The following HMGCLL1 variants were observed in gnomAD, a reference collection of about 807,000 sequenced individuals.
HMGCLL1 encodes 3-hydroxy-3-methylglutaryl-CoA lyase like 1.
In HMGCLL1, 36 loss-of-function variants were observed where a neutral mutation model predicts 39.1. The ratio of observed to expected loss-of-function variants is 0.92; its 90% CI spans 0.71 to 1.22. The LOEUF (loss-of-function observed/expected upper bound fraction) is 1.22, where lower values mean the gene tolerates loss of function less well. Among genes scored for constraint, HMGCLL1 ranks in the 50% most tolerant of loss-of-function variants. The probability of loss-of-function intolerance (pLI) is 0.00; values close to 1 mark genes in which losing one functional copy is unlikely to be tolerated. For missense variants in HMGCLL1, 451 were observed against 416.5 expected, an observed-to-expected ratio of 1.08 and a Z score of -0.72; for synonymous variants, 149 against 144.0, an observed-to-expected ratio of 1.03 and a Z score of -0.25.
At chr6:55,594,187 G>C in the HMGCLL1 span, among the ~76,000 whole-genome samples, 1 of 152,092 alleles carries the variant, frequency 6.6e-6, no homozygotes, top group Non-Finnish European at 1.5e-5. Flanking sequence ...AAAAAAATTT[G>C]AATCTAATGA....
intron 8 of HMGCLL1, among the ~76,000 whole-genome samples, chr6:55,438,181 T>C (rs141730078): frequency 9.2e-5 from 14 of 152,222 alleles, no homozygotes; most frequent in African/African-American, 3.4e-4. Flanking sequence ...TGTCATTAGC[T>C]TCTGATATAA....
At chr6:55,592,623 C>A in the HMGCLL1 span, among the ~76,000 whole-genome samples, 3 of 151,944 alleles carry the variant, frequency 2.0e-5, no homozygotes, top group Non-Finnish European at 4.4e-5. Context: ...ATGTAACAAG[C>A]AAAAATATAT....
At chr6:55,467,725 A>G (rs1008202315) in intron 7 of HMGCLL1, among the ~76,000 whole-genome samples, 6 of 152,078 alleles carry the variant, frequency 3.9e-5, no homozygotes, top group Non-Finnish European at 8.8e-5. Context: ...TCTTGACAGT[A>G]TTGAATCATT....
Position 55,496,214 on chromosome 6 carries a change from A to G in HMGCLL1, c.607-607T>C, listed in dbSNP as rs895040672. Among the ~76,000 whole-genome samples the G allele has an allele frequency of 3.3e-5, 5 of 152,240 alleles. No homozygotes were observed. The South Asian group carries it at 8.3e-4, about 25-fold the overall frequency. On this transcript the variant is annotated intron_variant, in intron 6 of 8. Transcript: ENST00000274901. ...TGCAGACAAATCCCATAGCATAGAA[A>G]TGTCAAAAAAGAAAAAGGTATGTCA...
the HMGCLL1 span, among the ~76,000 whole-genome samples, chr6:55,660,965 A>G: frequency 8.6e-5 from 13 of 151,954 alleles, no homozygotes; most frequent in East Asian, 2.3e-3. Context: ...CCTAATGATC[A>G]GTAATATTGA....
chr6:55,624,705 G>A, the HMGCLL1 span, among the ~76,000 whole-genome samples: 2 of 152,172 alleles, frequency 1.3e-5, no homozygotes, highest in East Asian at 1.9e-4. Flanking sequence ...TAAAATTCAG[G>A]GACTTTCTAC....
chr6:55,582,700 A>T (rs953351422), upstream of HMGCLL1, among the ~76,000 whole-genome samples: 1 of 152,186 alleles, frequency 6.6e-6, no homozygotes, highest in South Asian at 2.1e-4. Context: ...ATACATAAAG[A>T]TATCAATGAA....
the HMGCLL1 span, among the ~76,000 whole-genome samples, chr6:55,624,615 T>C: frequency 6.6e-6 from 1 of 152,144 alleles, no homozygotes; most frequent in East Asian, 1.9e-4. Flanking sequence ...GCAGATTGGA[T>C]CCAGTGAGCA....
the HMGCLL1 span, among the ~76,000 whole-genome samples, chr6:55,638,399 C>G: frequency 1.1e-4 from 10 of 91,744 alleles, no homozygotes; most frequent in Non-Finnish European, 1.9e-4. Context: ...AAGAGCGAAA[C>G]TCAGTCTCAA....
At chr6:55,616,387 A>G in the HMGCLL1 span, among the ~76,000 whole-genome samples, 132 of 152,250 alleles carry the variant, frequency 8.7e-4, no homozygotes, top group African/African-American at 3.1e-3. Flanking sequence ...CAACCTGCCA[A>G]CAACCACACT....
chr6:55,566,523 C>T, intron 1 of HMGCLL1: 1 of 443,212 alleles, frequency 2.3e-6, no homozygotes, highest in South Asian at 1.6e-5. Flanking sequence ...AAAAAAGAGC[C>T]CGAACACTGA....
Position 55,499,251 on chromosome 6 carries a change from C to T in HMGCLL1, c.591G>A (p.Pro197=), listed in dbSNP as rs190475519. 800 of 1,607,580 alleles carry T rather than the reference C, an allele frequency of 5.0e-4. 3 individuals carry two copies. The highest frequency in any genetic ancestry group is 4.2e-3 in the Middle Eastern group (25 of 6,022). Residue 197 remains proline (P), a synonymous_variant, in exon 6 of 9, where the codon CCG becomes CCA. Coordinates refer to ENST00000274901, the MANE Select transcript of HMGCLL1 (RefSeq NM_001042406.2). The part of the protein sequence containing the change: ...LGCPYEGSIT[P]QKVTEVSKRL... ...TGTAGCTTACTTCTGTCACTTTTTG[C>T]GGTGTAATACTTCCTTCATATGGAC...
intron 7 of HMGCLL1, among the ~76,000 whole-genome samples, chr6:55,490,544 G>T (rs2127419997): frequency 6.6e-6 from 1 of 152,210 alleles, no homozygotes; most frequent in East Asian, 1.9e-4. Context: ...GGTGGGTTTA[G>T]ACATGTTTAC....
At chr6:55,655,111 T>C in the HMGCLL1 span, among the ~76,000 whole-genome samples, 1 of 152,018 alleles carries the variant, frequency 6.6e-6, no homozygotes, top group Non-Finnish European at 1.5e-5. Flanking sequence ...TTCTCATTTG[T>C]ATTTCTCTGT....
chr6:55,663,682 A>T, the HMGCLL1 span, among the ~76,000 whole-genome samples: 1 of 151,824 alleles, frequency 6.6e-6, no homozygotes, highest in East Asian at 1.9e-4. Flanking sequence ...GGAGAGGTCT[A>T]TCAGATCCAT....
chr6:55,584,185 C>T (rs935351769), upstream of HMGCLL1, among the ~76,000 whole-genome samples: 20 of 152,100 alleles, frequency 1.3e-4, no homozygotes, highest in African/African-American at 3.6e-4. Context: ...ATAATCTCCA[C>T]GATAAGCTCC....
chr6:55,538,835 T>TAC (rs201267189), intron 3 of HMGCLL1, among the ~76,000 whole-genome samples: 7,063 of 149,074 alleles, frequency 0.047, 199 homozygotes, highest in Middle Eastern at 0.14. Flanking sequence ...TATATACACA[T>TAC]ACACACACAC....
rs867478916 is a variant in HMGCLL1, at chr6:55,452,540, T to C, written c.796-12981A>G. Among the ~76,000 whole-genome samples, 3 of 152,314 alleles carry C rather than the reference T, an allele frequency of 2.0e-5. No homozygotes were observed. The South Asian group carries it at 6.2e-4, about 32-fold the overall frequency. ...CTTCATTCCCTTACCAGCTTTGTTT[T>C]TGGAAGTGGGTACTATTATTATCAT... On this transcript the variant is annotated intron_variant, in intron 7 of 8. Transcript: ENST00000274901.
rs750417611 is a variant in HMGCLL1, at chr6:55,439,506, A to C, written c.849T>G (p.Tyr283Ter). Reference sequence around the variant, plus strand: ...CTACATTCCCAGAAGCACCTTTTGCATAAGGGCAGCCACCTAATCCGGATA... The same window carrying C: ...CTACATTCCCAGAAGCACCTTTTGCCTAAGGGCAGCCACCTAATCCGGATA... ...SAVSGLGGCP[Y>*]AKGASGNVAT... is the part of the protein sequence containing the mutation. The change falls in exon 8 of 9, where the codon TAT (tyrosine) becomes TAG (stop). Residue 283 changes from tyrosine to a stop codon, truncating the protein, a stop_gained. Coordinates refer to ENST00000274901, the MANE Select transcript of HMGCLL1 (RefSeq NM_001042406.2). LOFTEE classifies it high-confidence loss of function. The C allele has an allele frequency of 1.3e-5, 21 of 1,613,104 alleles. No individual in the cohort carries two copies. Among genetic ancestry groups the C allele is most frequent in the Non-Finnish European group, 1.8e-5 (21 of 1,179,290 alleles).
Sources: gnomAD v4.1 joint callset for allele counts (sites outside exome capture counted in the v4.1 genomes callset) on GRCh38, gnomAD v4.1.1 for gene constraint, MANE v1.5 for transcripts, NCBI Gene and HGNC (gene_info 2026-07-23, HGNC 2026-07-21) for gene names.